Variants in TRPM3 observed in about 807,000 individuals in gnomAD.
TRPM3 encodes long transient receptor potential channel 3.
Under a neutral mutation model 181.2 loss-of-function variants are expected in TRPM3, and 77 were observed. The ratio of observed to expected loss-of-function variants is 0.42; its 90% confidence interval spans 0.35 to 0.51. The LOEUF is 0.51. TRPM3 is among the 20% of genes least tolerant of loss of function. TRPM3 has a pLI of 0.01. For missense variants in TRPM3, 1,759 were observed against 2,196.7 expected (o/e 0.80, Z 3.98); for synonymous variants, 745 against 796.4 (o/e 0.94, Z 1.09).
intron 1 of TRPM3, among the ~76,000 whole-genome samples, chr9:71,110,482 T>C (rs2070824943): frequency 6.6e-6 from 1 of 152,220 alleles, no homozygotes; most frequent in Non-Finnish European, 1.5e-5. Context: ...CATGCTTCGA[T>C]GTAATATGAA....
At chr9:70,980,963 A>G (rs1364488585) in intron 1 of TRPM3, among the ~76,000 whole-genome samples, 1 of 152,250 alleles carries the variant, frequency 6.6e-6, no homozygotes, top group Non-Finnish European at 1.5e-5. Context: ...CAATTCCGAT[A>G]CATATGTACA....
chr9:70,740,327 A>G, intron 8 of TRPM3, among the ~76,000 whole-genome samples: 1 of 152,348 alleles, frequency 6.6e-6, no homozygotes, highest in East Asian at 1.9e-4. Flanking sequence ...TAGATGACAC[A>G]AAAACATAGG....
chr9:70,689,626 G>A (rs1445873694), intron 8 of TRPM3, among the ~76,000 whole-genome samples: 1 of 151,940 alleles, frequency 6.6e-6, no homozygotes, highest in African/African-American at 2.4e-5. Context: ...AGAATGATAG[G>A]CTATTTTTTT....
intron 1 of TRPM3, among the ~76,000 whole-genome samples, chr9:71,274,045 T>C (rs181261546): frequency 3.2e-4 from 49 of 152,244 alleles, no homozygotes; most frequent in African/African-American, 1.0e-3. Context: ...TACCGGTGGT[T>C]GTTGTACACT....
intron 21 of TRPM3, among the ~76,000 whole-genome samples, chr9:70,593,652 A>C (rs2058502263): frequency 6.6e-6 from 1 of 152,102 alleles, no homozygotes; most frequent in Admixed American, 6.5e-5. Flanking sequence ...TATTTCAAAG[A>C]AGTCTTAGCT....
At chr9:70,804,053 A>G (rs2090032550) in intron 6 of TRPM3, among the ~76,000 whole-genome samples, 1 of 151,904 alleles carries the variant, frequency 6.6e-6, no homozygotes, top group South Asian at 2.1e-4. Context: ...TGTTCTGGCC[A>G]GGCATGGTGG....
intron 1 of TRPM3, among the ~76,000 whole-genome samples, chr9:71,223,805 T>C (rs1004167968): frequency 2.0e-5 from 3 of 152,202 alleles, no homozygotes; most frequent in African/African-American, 7.2e-5. Flanking sequence ...CCTCTGTCTA[T>C]AGAAAGGAGA....
intron 1 of TRPM3, among the ~76,000 whole-genome samples, chr9:71,283,216 GT>G (rs2084991000): frequency 6.6e-6 from 1 of 152,150 alleles, no homozygotes; most frequent in Non-Finnish European, 1.5e-5. Flanking sequence ...CAGTATTTGT[GT>G]TTTTGTCATT....
chr9:70,928,148 C>A (rs1201532271), intron 1 of TRPM3, among the ~76,000 whole-genome samples: 1 of 152,088 alleles, frequency 6.6e-6, no homozygotes, highest in African/African-American at 2.4e-5. Context: ...GGCCAAATGC[C>A]ACTTCCGTGA....
rs575173476 is a variant in TRPM3, at chr9:70,547,696, C to T, written c.3707+1846G>A. ...CTTGGTCTTTCAGGCCCCTGTTACTCCAGAAGGTCAGTCTAAAGCCTAGGA... is the reference window on the plus strand; with the variant it reads ...CTTGGTCTTTCAGGCCCCTGTTACTTCAGAAGGTCAGTCTAAAGCCTAGGA... On this transcript the variant is annotated intron_variant, in intron 25 of 25. Transcript: ENST00000677713. Among the ~76,000 whole-genome samples, 10 of 152,256 alleles carry T rather than the reference C, an allele frequency of 6.6e-5. No individual in the cohort carries two copies. The South Asian group carries it at 2.1e-3, about 32-fold the overall frequency.
Position 71,183,156 on chromosome 9 carries a change from A to ATAATTT in TRPM3, c.183+263496_183+263497insAAATTA, listed in dbSNP as rs559189541. 6.1e-3 allele frequency among the ~76,000 whole-genome samples: 928 copies of ATAATTT among 152,280 alleles called. 12 individuals carry two copies. The highest frequency in any genetic ancestry group is 0.021 in the African/African-American group (879 of 41,580). On this transcript the variant is annotated intron_variant, in intron 1 of 24. Coordinates refer to the TRPM3 transcript ENST00000357533. Reference sequence around the variant, plus strand: ...TACGTTATTCAACATCCACCACTTAAGTAAGACTTAATATCAAAAAAAAAT... The same window carrying ATAATTT: ...TACGTTATTCAACATCCACCACTTAATAATTTGTAAGACTTAATATCAAAAAAAAAT...
intron 1 of TRPM3, among the ~76,000 whole-genome samples, chr9:70,914,834 G>A (rs2096574330): frequency 6.6e-6 from 1 of 152,196 alleles, no homozygotes; most frequent in Admixed American, 6.5e-5. Flanking sequence ...TCCAGATCTT[G>A]TCCAAGACCA....
At chr9:71,384,388 T>TAAAG (rs773688253) in intron 1 of TRPM3, among the ~76,000 whole-genome samples, 4 of 152,176 alleles carry the variant, frequency 2.6e-5, no homozygotes, top group Non-Finnish European at 5.9e-5. Context: ...CCACAAAAAG[T>TAAAG]AAAGCATAAT....
chr9:71,304,665 A>C (rs1473896988), intron 1 of TRPM3, among the ~76,000 whole-genome samples: 2 of 152,192 alleles, frequency 1.3e-5, no homozygotes, highest in Non-Finnish European at 2.9e-5. Flanking sequence ...AAGTACTAAA[A>C]ATTAGGTCAG....
chr9:71,418,143 T>A (rs1333140666), intron 1 of TRPM3, among the ~76,000 whole-genome samples: 1 of 151,948 alleles, frequency 6.6e-6, no homozygotes, highest in Non-Finnish European at 1.5e-5. Context: ...TGAAACATAA[T>A]GAGTCCTGGA....
chr9:71,310,888 GGAGA>G (rs2132398058), intron 1 of TRPM3, among the ~76,000 whole-genome samples: 1 of 151,964 alleles, frequency 6.6e-6, no homozygotes, highest in South Asian at 2.1e-4. Flanking sequence ...TTTTTACTAT[GGAGA>G]GAAAGATGAC....
intron 5 of TRPM3, among the ~76,000 whole-genome samples, chr9:70,836,689 T>G (rs768364162): frequency 1.3e-5 from 2 of 152,204 alleles, no homozygotes; most frequent in Non-Finnish European, 2.9e-5. Flanking sequence ...CTGCTTGTCC[T>G]CTGCTCATCC....
intron 18 of TRPM3, among the ~76,000 whole-genome samples, chr9:70,613,175 A>G (rs1026779348): frequency 6.6e-6 from 1 of 152,220 alleles, no homozygotes. Context: ...ATTCCAGCCT[A>G]AGCAGCTTAA....
chr9:71,181,234 C>G (rs1303976498), intron 1 of TRPM3, among the ~76,000 whole-genome samples: 1 of 152,102 alleles, frequency 6.6e-6, no homozygotes, highest in African/African-American at 2.4e-5. Flanking sequence ...TGTATGGAAA[C>G]TGATCTTCTA....
Sources: gnomAD v4.1 joint callset for allele counts (sites outside exome capture counted in the v4.1 genomes callset) on GRCh38, gnomAD v4.1.1 for gene constraint, MANE v1.5 for transcripts, NCBI Gene and HGNC (gene_info 2026-07-23, HGNC 2026-07-21) for gene names.